NR2F1-AS1: variants seen among roughly 807,000 people sequenced by gnomAD.
NR2F1-AS1 encodes NR2F1 regulatory antisense RNA 1, also known as NR2F1 antisense RNA 1.
At chr5:93,518,571 C>T (rs1265970418) in intron 4 of NR2F1-AS1, among the ~76,000 whole-genome samples, 1 of 152,026 alleles carries the variant, frequency 6.6e-6, no homozygotes, top group Non-Finnish European at 1.5e-5. Flanking sequence ...CAAGATGATA[C>T]ATTTGCCTTC....
intron 4 of NR2F1-AS1, among the ~76,000 whole-genome samples, chr5:93,504,874 G>A (rs1419974650): frequency 1.3e-5 from 2 of 151,954 alleles, no homozygotes; most frequent in Admixed American, 6.6e-5. Context: ...ATATCATCCT[G>A]CCCCTGGTCC....
intron 4 of NR2F1-AS1, among the ~76,000 whole-genome samples, chr5:93,520,064 T>C (rs1751472641): frequency 1.3e-5 from 2 of 152,080 alleles, no homozygotes; most frequent in Non-Finnish European, 2.9e-5. Flanking sequence ...TTTTCAGTAA[T>C]ATATAGATCC....
At chr5:93,482,389 CTG>C (rs2149875675) in intron 4 of NR2F1-AS1, among the ~76,000 whole-genome samples, 1 of 152,246 alleles carries the variant, frequency 6.6e-6, no homozygotes, top group African/African-American at 2.4e-5. Context: ...CTGTGAGGGA[CTG>C]TGCCATGAGG....
At chr5:93,552,761 A>T (rs1359310753) in intron 4 of NR2F1-AS1, among the ~76,000 whole-genome samples, 3 of 152,146 alleles carry the variant, frequency 2.0e-5, no homozygotes, top group Non-Finnish European at 4.4e-5. Flanking sequence ...AAGTGAAAGC[A>T]ACTAGAATAA....
intron 4 of NR2F1-AS1, among the ~76,000 whole-genome samples, chr5:93,446,491 T>A (rs994923331): frequency 6.6e-6 from 1 of 152,066 alleles, no homozygotes; most frequent in African/African-American, 2.4e-5. Flanking sequence ...ATCCAACTTA[T>A]AAGGGGTGTG....
chr5:93,449,173 T>C (rs747142705), intron 4 of NR2F1-AS1, among the ~76,000 whole-genome samples: 33 of 152,158 alleles, frequency 2.2e-4, no homozygotes, highest in Admixed American at 3.9e-4. Flanking sequence ...TTACATACAC[T>C]AATATATAAA....
chr5:93,567,149 A>T (rs1752637162), intron 1 of NR2F1-AS1, among the ~76,000 whole-genome samples: 1 of 152,112 alleles, frequency 6.6e-6, no homozygotes, highest in Non-Finnish European at 1.5e-5. Context: ...AAATTGACTT[A>T]AAGTTATGTT....
At chr5:93,506,443 C>G (rs1226473796) in intron 4 of NR2F1-AS1, among the ~76,000 whole-genome samples, 1 of 152,132 alleles carries the variant, frequency 6.6e-6, no homozygotes, top group Non-Finnish European at 1.5e-5. Flanking sequence ...TCTACTGGTA[C>G]AAATTGACTG....
intron 4 of NR2F1-AS1, among the ~76,000 whole-genome samples, chr5:93,530,422 A>G (rs1027352597): frequency 6.6e-6 from 1 of 152,152 alleles, no homozygotes; most frequent in African/African-American, 2.4e-5. Flanking sequence ...TTTCTGTACC[A>G]GTAATACGAA....
In NR2F1-AS1 at chr5:93,480,758, C is replaced by A. The variant is rs1750583188; in HGVS notation, n.638+73003G>T. ...TAACAACATAAAGGGAAGAATGCAGCTGAGTAGGAGCAGAATTAATGTATG... is the reference window on the plus strand; with the variant it reads ...TAACAACATAAAGGGAAGAATGCAGATGAGTAGGAGCAGAATTAATGTATG... On this transcript the variant is annotated intron_variant and non_coding_transcript_variant, in intron 4 of 5. Transcript: ENST00000660523. Among the ~76,000 whole-genome samples, 2 of 151,968 alleles carry A rather than the reference C, an allele frequency of 1.3e-5. 1 individual carries two copies. Among genetic ancestry groups the A allele is most frequent in the South Asian group, 4.1e-4 (2 of 4,820 alleles).
At chr5:93,444,029 C>T (rs1007473480) in intron 4 of NR2F1-AS1, among the ~76,000 whole-genome samples, 1 of 152,106 alleles carries the variant, frequency 6.6e-6, no homozygotes, top group Non-Finnish European at 1.5e-5. Flanking sequence ...CAGGCCTGCC[C>T]TAAAAGAGCT....
At chr5:93,580,837 C>T (rs991938012), upstream of NR2F1-AS1, 6 of 152,318 alleles carry the variant, frequency 3.9e-5, no homozygotes, top group Admixed American at 2.6e-4. Context: ...GGCATAGGGA[C>T]GAGGGCAAGG....
chr5:93,425,896 G>T (rs1240298274), intron 4 of NR2F1-AS1, among the ~76,000 whole-genome samples: 1 of 151,954 alleles, frequency 6.6e-6, no homozygotes, highest in Non-Finnish European at 1.5e-5. Flanking sequence ...CAAAGAACAG[G>T]CATTCAATAA....
chr5:93,474,718 C>T (rs1184446720), intron 4 of NR2F1-AS1, among the ~76,000 whole-genome samples: 4 of 152,114 alleles, frequency 2.6e-5, no homozygotes, highest in Non-Finnish European at 4.4e-5. Flanking sequence ...AATCTCCCTA[C>T]CCTAATCATG....
At chr5:93,469,874 A>C (rs1188460486) in intron 4 of NR2F1-AS1, among the ~76,000 whole-genome samples, 1 of 152,062 alleles carries the variant, frequency 6.6e-6, no homozygotes, top group Non-Finnish European at 1.5e-5. Context: ...ACCCTCATTA[A>C]AGCTATGCCT....
intron 4 of NR2F1-AS1, among the ~76,000 whole-genome samples, chr5:93,498,949 G>C (rs935771232): frequency 2.0e-5 from 3 of 152,054 alleles, no homozygotes; most frequent in Admixed American, 6.6e-5. Flanking sequence ...ACTAAGATCA[G>C]TTGACCTAGG....
At chr5:93,488,389 T>C (rs1298177545) in intron 4 of NR2F1-AS1, among the ~76,000 whole-genome samples, 2 of 151,982 alleles carry the variant, frequency 1.3e-5, no homozygotes, top group Non-Finnish European at 2.9e-5. Context: ...TAAACAAATT[T>C]ACAAGAAAAA....
chr5:93,520,827 C>G (rs555453764), intron 4 of NR2F1-AS1, among the ~76,000 whole-genome samples: 1 of 152,118 alleles, frequency 6.6e-6, no homozygotes, highest in Admixed American at 6.6e-5. Context: ...AGCCTCCCCC[C>G]AAAGAAAGCT....
chr5:93,566,414 A>G (rs1343159072), intron 1 of NR2F1-AS1, among the ~76,000 whole-genome samples: 1 of 152,102 alleles, frequency 6.6e-6, no homozygotes. Context: ...GTATAACTTG[A>G]GATCATTAAA....
Sources: gnomAD v4.1 joint callset for allele counts (sites outside exome capture counted in the v4.1 genomes callset) on GRCh38, gnomAD v4.1.1 for gene constraint, MANE v1.5 for transcripts, NCBI Gene and HGNC (gene_info 2026-07-23, HGNC 2026-07-21) for gene names.